The following ZNF681 variants were observed in gnomAD, a reference collection of about 807,000 sequenced individuals.
ZNF681 encodes the protein hypothetical protein FLJ31526.
A neutral mutation model predicts 56.0 loss-of-function variants in ZNF681; 37 were observed. The ratio of observed to expected loss-of-function variants is 0.66; its 90% CI spans 0.51 to 0.87. ZNF681 has a LOEUF of 0.87. Ranked by LOEUF, ZNF681 falls within the 40% of genes least tolerant of loss-of-function variation. The probability of loss-of-function intolerance (pLI) is 0.00; values close to 1 mark genes in which losing one functional copy is unlikely to be tolerated. For synonymous variants in ZNF681, 225 were observed against 248.6 expected, an observed-to-expected ratio of 0.91 and a Z score of 0.89; for missense variants, 741 against 744.9, an observed-to-expected ratio of 0.99 and a Z score of 0.06.
rs769671946 is a variant in ZNF681 at position 23,745,061 on chromosome 19, TCTTAC to T, written c.484_488del (p.Val162ThrfsTer8). 7 of 1,598,480 alleles carry T rather than the reference TCTTAC, an allele frequency of 4.4e-6. No homozygotes were observed. The African/African-American group carries it at 8.1e-5, about 18-fold the overall frequency. On this transcript the variant is annotated frameshift_variant, in exon 4 of 4. Transcript: ENST00000402377. LOFTEE classifies it high-confidence loss of function. ...ATTTAAAAGGTTTTTTTCTGGTGTG[TCTTAC>T]CTTATGTCCATTTAAATTTGAAAAT...
intron 3 of ZNF681, among the ~76,000 whole-genome samples, chr19:23,751,509 A>G (rs1199048148): frequency 6.6e-6 from 1 of 151,384 alleles, no homozygotes; most frequent in Non-Finnish European, 1.5e-5. Context: ...AAAAAATTCT[A>G]TTCTCTAGAT....
At chr19:23,746,358 C>T (rs1169295512) in intron 3 of ZNF681, among the ~76,000 whole-genome samples, 1 of 151,796 alleles carries the variant, frequency 6.6e-6, no homozygotes, top group Non-Finnish European at 1.5e-5. Flanking sequence ...TTATTTGGTA[C>T]ACAGTTTGGC....
At chr19:23,750,692 A>C (rs995232323) in intron 3 of ZNF681, among the ~76,000 whole-genome samples, 1 of 151,574 alleles carries the variant, frequency 6.6e-6, no homozygotes, top group Admixed American at 6.6e-5. Context: ...AAGTACTAAA[A>C]TTAGCCAGGC....
intron 3 of ZNF681, among the ~76,000 whole-genome samples, chr19:23,751,652 A>G (rs1488162439): frequency 2.0e-5 from 3 of 152,084 alleles, no homozygotes; most frequent in Non-Finnish European, 4.4e-5. Context: ...CTTTTAATCA[A>G]TAAGCATTTA....
intron 3 of ZNF681, among the ~76,000 whole-genome samples, chr19:23,749,831 C>G (rs548622639): frequency 3.2e-4 from 49 of 152,030 alleles, no homozygotes; most frequent in Admixed American, 7.2e-4. Context: ...TGAAAAAATT[C>G]AGAATCATAA....
rs756284755 is a variant in ZNF681, at chr19:23,744,929, A to G, written c.621T>C (p.Phe207=). The G allele has an allele frequency of 6.9e-6, 11 of 1,603,190 alleles. No homozygotes were observed. The South Asian group carries it at 1.0e-4, about 15-fold the overall frequency. The change falls in exon 4 of 4, where the codon TTT becomes TTC. Residue 207 remains phenylalanine, a synonymous_variant. Coordinates refer to ENST00000402377, the MANE Select transcript of ZNF681 (RefSeq NM_138286.3). ...GTTTAGTAAAGATTGAGGATCCATT[A>G]AAGGCTTTTCCACAGTCTTCACATT... ...FYKCEDCGKA[F]NGSSIFTKHK...
At chr19:23,753,802 C>T (rs916539342) in intron 3 of ZNF681, among the ~76,000 whole-genome samples, 5 of 140,566 alleles carry the variant, frequency 3.6e-5, no homozygotes, top group Admixed American at 3.1e-4. Context: ...GGAGAGGTTG[C>T]AGTGAGCCGA....
Position 23,743,699 on chromosome 19 carries a change from G to A in ZNF681, c.1851C>T (p.Leu617=), listed in dbSNP as rs773365296. 1 of 1,608,834 alleles carries A rather than the reference G, an allele frequency of 6.2e-7. No individual in the cohort carries two copies. The highest frequency in any genetic ancestry group is 2.2e-5 in the East Asian group (1 of 44,784). Residue 617 remains leucine (L), a synonymous_variant, in exon 4 of 4, where the codon CTC becomes CTT. Transcript: ENST00000402377. ...CACTGTTACATCTTTTAGGTTTGTA[G>A]AGTTTCTCACCAGTATGAATTTTCT... The part of the protein sequence containing the change: ...GHKKIHTGEK[L]YKPKRCNSDF...
Position 23,745,214 on chromosome 19 carries a change from CTG to C in ZNF681, c.334_335del (p.Gln112ValfsTer3). On this transcript the variant is annotated frameshift_variant, in exon 4 of 4. Coordinates refer to ENST00000402377, the MANE Select transcript of ZNF681 (RefSeq NM_138286.3). LOFTEE classifies it high-confidence loss of function. ...TGCACTCATCCACACTTTTACTTAACTGTAAATTCTCATGTTCACATTTTCCA... is the reference window on the plus strand; with the variant it reads ...TGCACTCATCCACACTTTTACTTAACTAAATTCTCATGTTCACATTTTCCA... ...RYGKCEHENLQLSKSVDECKV... is the reference protein window; with the variant it reads ...RYGKCEHENLXLSKSVDECKV... The C allele has an allele frequency of 6.2e-7, 1 of 1,612,258 alleles. No homozygotes were observed. The highest frequency in any genetic ancestry group is 2.2e-5 in the East Asian group (1 of 44,788).
chr19:23,757,821 A>AT (rs1411147856), intron 1 of ZNF681, among the ~76,000 whole-genome samples: 2 of 152,024 alleles, frequency 1.3e-5, no homozygotes, highest in African/African-American at 2.4e-5. Flanking sequence ...CCACTGGGGT[A>AT]TTTCCAGTTC....
In ZNF681 at chr19:23,740,990, T is replaced by G. The variant is rs935335947; in HGVS notation, c.*2622A>C. 1.3e-5 allele frequency: 2 copies of G among 152,136 alleles called. No individual in the cohort carries two copies. Among genetic ancestry groups the G allele is most frequent in the Admixed American group, 6.6e-5 (1 of 15,264 alleles). 9.4% of individuals were successfully genotyped at this position (152,136 alleles called of 1,614,324 possible). On this transcript the variant is annotated 3_prime_UTR_variant, in exon 4 of 4. Coordinates refer to ENST00000402377, the MANE Select transcript of ZNF681 (RefSeq NM_138286.3). ...AAATTTGCATAGGGAGATTCTGAAT[T>G]ATAAGCCATACAATTTTACAGTAAT...
chr19:23,756,052 C>T (rs934589221), intron 1 of ZNF681, among the ~76,000 whole-genome samples: 6 of 152,062 alleles, frequency 3.9e-5, no homozygotes, highest in South Asian at 2.1e-4. Context: ...TGTGGCTGGG[C>T]GCAGTGGCTC....
chr19:23,744,023 T>C lies in ZNF681; in HGVS notation c.1527A>G (p.Glu509=), dbSNP rs779194687. Residue 509 remains glutamate, a synonymous_variant, in exon 4 of 4, where the codon GAA becomes GAG. Coordinates refer to ENST00000402377, the MANE Select transcript of ZNF681 (RefSeq NM_138286.3). ...ATCGATAGAAAGCTTTGCCACATTC[T>C]TCACATTTGTAGGATTTCTCTCCAG... ...IHTGEKSYKC[E]ECGKAFYRSS... is the part of the protein sequence containing the mutation. The C allele has an allele frequency of 1.2e-6, 2 of 1,613,146 alleles. No individual in the cohort carries two copies. Among genetic ancestry groups the C allele is most frequent in the African/African-American group, 2.7e-5 (2 of 74,886 alleles).
In ZNF681 at chr19:23,741,898, A is replaced by G. The variant is rs1968878756; in HGVS notation, c.*1714T>C. ...TGTACCCACAAAAATTAAGAAAAAT[A>G]AGTTTAAATAAGAAAAAATGAGTAA... On this transcript the variant is annotated 3_prime_UTR_variant, in exon 4 of 4. Transcript: ENST00000402377. 6.6e-6 allele frequency: 1 copy of G among 152,156 alleles called. No homozygotes were observed. Among genetic ancestry groups the G allele is most frequent in the Admixed American group, 6.5e-5 (1 of 15,274 alleles). 9.4% of individuals were successfully genotyped at this position (152,156 alleles called of 1,614,324 possible). A position where few individuals can be genotyped will look rare whatever the true frequency, so the allele number is the denominator to read the frequency against.
chr19:23,746,433 T>C (rs1017753426), intron 3 of ZNF681, among the ~76,000 whole-genome samples: 8 of 152,172 alleles, frequency 5.3e-5, no homozygotes, highest in Non-Finnish European at 8.8e-5. Flanking sequence ...CTTACAATCA[T>C]GGTGAAACAC....
chr19:23,756,996 G>A (rs1383222332), intron 1 of ZNF681, among the ~76,000 whole-genome samples: 2 of 151,906 alleles, frequency 1.3e-5, no homozygotes, highest in African/African-American at 4.8e-5. Context: ...TCAGCCTCCA[G>A]AGTAGCTGGG....
At chr19:23,749,844 C>A (rs1968998156) in intron 3 of ZNF681, among the ~76,000 whole-genome samples, 1 of 152,046 alleles carries the variant, frequency 6.6e-6, no homozygotes, top group South Asian at 2.1e-4. Flanking sequence ...AATCATAAAT[C>A]TTTTCATAAA....
intron 3 of ZNF681, among the ~76,000 whole-genome samples, chr19:23,754,564 G>A (rs924154852): frequency 6.6e-6 from 1 of 152,142 alleles, no homozygotes; most frequent in African/African-American, 2.4e-5. Flanking sequence ...TACTTGGGAA[G>A]GTGAGACAGG....
chr19:23,749,890 G>C (rs745834847), intron 3 of ZNF681, among the ~76,000 whole-genome samples: 33 of 151,284 alleles, frequency 2.2e-4, no homozygotes, highest in Admixed American at 7.2e-4. Flanking sequence ...GTCTCACACA[G>C]AGCAAATACA....
Sources: gnomAD v4.1 joint callset for allele counts (sites outside exome capture counted in the v4.1 genomes callset) on GRCh38, gnomAD v4.1.1 for gene constraint, MANE v1.5 for transcripts, NCBI Gene and HGNC (gene_info 2026-07-23, HGNC 2026-07-21) for gene names.